PTGS2: variants seen among roughly 807,000 people sequenced by gnomAD.
PTGS2 encodes the protein prostaglandin G/H synthase 2.
Under a neutral mutation model 63.8 loss-of-function variants are expected in PTGS2, and 14 were observed. The observed-to-expected ratio is 0.22, with a 90% CI of 0.14 to 0.34. The LOEUF is 0.34. PTGS2 is among the 10% of genes least tolerant of loss of function. PTGS2 has a pLI of 1.00. For synonymous variants in PTGS2, 271 were observed against 259.5 expected (o/e 1.04, Z -0.43); for missense variants, 533 against 738.5 (o/e 0.72, Z 3.23).
At chr1:186,679,463 A>G (rs1665838555) in intron 1 of PTGS2, 25 bp from the exon 2 acceptor site, 1 of 1,490,356 alleles carries the variant, frequency 6.7e-7, no homozygotes, top group Admixed American at 1.7e-5. Context: ...CAGCAAATAA[A>G]TCATTCTCTA....
intron 8 of PTGS2, 94 bp downstream of exon 8, chr1:186,675,804 C>G: frequency 8.0e-7 from 1 of 1,248,996 alleles, no homozygotes. Context: ...TAACTAACTA[C>G]TCTTTTAGTA....
intron 1 of PTGS2, among the ~76,000 whole-genome samples, chr1:186,679,731 C>T (rs1665843004): frequency 1.3e-5 from 2 of 152,086 alleles, no homozygotes; most frequent in Non-Finnish European, 2.9e-5. Flanking sequence ...AAATAAGTAG[C>T]ACTTCACTTT....
chr1:186,680,276 G>A lies in PTGS2; in HGVS notation c.15C>T (p.Ala5=). The A allele has an allele frequency of 6.5e-7, 1 of 1,544,814 alleles. No individual in the cohort carries two copies. The highest frequency in any genetic ancestry group is 8.7e-7 in the Non-Finnish European group (1 of 1,144,002). Residue 5 remains alanine (A), a synonymous_variant, in exon 1 of 10, where the codon GCC becomes GCT. Coordinates refer to ENST00000367468, the MANE Select transcript of PTGS2 (RefSeq NM_000963.4). ...GCGCCAGGACCGCGCACAGCAGCAG[G>A]GCGCGGGCGAGCATCGCAGCGGCGG... The part of the protein sequence containing the change: MLAR[A]LLLCAVLALS...
In PTGS2 at chr1:186,678,953, C is replaced by A. The variant is rs371649727; in HGVS notation, c.313+105G>T. On this transcript the variant is annotated intron_variant, in intron 3 of 9. Coordinates refer to ENST00000367468, the MANE Select transcript of PTGS2 (RefSeq NM_000963.4). The stretch of plus-strand genomic sequence containing the variant: ...GCAAACTTAAAAGCTATCTTAAAGT[C>A]TTTTTGATAAGCTTGGAAATATGTT... 1.2e-5 allele frequency: 16 copies of A among 1,374,292 alleles called. No individual in the cohort carries two copies. The South Asian group carries it at 1.6e-4, about 14-fold the overall frequency. The allele number at this position is 1,374,292 out of a possible 1,614,324, so 85.1% of individuals were successfully genotyped here.
intron 7 of PTGS2, 71 bp from the exon 8 acceptor site, chr1:186,676,255 A>T (rs1050571926): frequency 8.4e-5 from 122 of 1,447,492 alleles, no homozygotes; most frequent in Non-Finnish European, 9.5e-5. Context: ...ACTGGAATGC[A>T]ATTTTTAAAA....
rs1665818661 is a variant in PTGS2, at chr1:186,678,380, G to A, written c.338C>T (p.Pro113Leu). 2.5e-6 allele frequency: 4 copies of A among 1,606,648 alleles called. No individual in the cohort carries two copies. The highest frequency in any genetic ancestry group is 3.4e-6 in the Non-Finnish European group (4 of 1,176,426). Residue 113 changes from proline to leucine, a missense_variant, in exon 4 of 10, where the codon CCA becomes CTA. This residue lies in a region of PTGS2 where 118 missense variants were observed against 144.6 expected (regional missense o/e 0.82). Coordinates refer to ENST00000367468, the MANE Select transcript of PTGS2 (RefSeq NM_000963.4). ...LTSRSHLIDSPPTYNADYGYK... is the reference protein window; with the variant it reads ...LTSRSHLIDSLPTYNADYGYK... ...GCCATAGTCAGCATTGTAAGTTGGT[G>A]GACTGTCAATCAAATGTGATCTGGC...
intron 9 of PTGS2, among the ~76,000 whole-genome samples, 191 bp downstream of exon 9, chr1:186,675,058 T>A (rs2102004965): frequency 6.6e-6 from 1 of 152,284 alleles, no homozygotes. Flanking sequence ...GAGCCTGTAG[T>A]CCCAGCTACT....
At chr1:186,680,122 G>T in intron 1 of PTGS2, 117 bp downstream of exon 1, 1 of 1,449,170 alleles carries the variant, frequency 6.9e-7, no homozygotes, top group Non-Finnish European at 9.4e-7. Context: ...CCCAAGTCAC[G>T]TAGCTTCTCT....
chr1:186,675,154 G>A lies in PTGS2; in HGVS notation c.1405+95C>T, dbSNP rs1665758065. On this transcript the variant is annotated intron_variant, in intron 9 of 9. Coordinates refer to ENST00000367468, the MANE Select transcript of PTGS2 (RefSeq NM_000963.4). ...ATGGCGCCACTGCACTCCAGCCTGG[G>A]TGACAGAGGGCGGCTCCATCTCGAA... The A allele has an allele frequency of 2.5e-5, 38 of 1,503,846 alleles. No individual in the cohort carries two copies. In the South Asian group the frequency reaches 4.4e-4, roughly 18 times the overall value. The allele number at this position is 1,503,846 out of a possible 1,614,324, so 93.2% of individuals were successfully genotyped here.
rs997696437 is a variant in PTGS2, at chr1:186,677,510, G to C, written c.639+139C>G. The C allele has an allele frequency of 4.5e-6, 4 of 896,538 alleles. No individual in the cohort carries two copies. In the East Asian group the frequency reaches 1.1e-4, roughly 25 times the overall value. The allele number at this position is 896,538 out of a possible 1,614,324, so 55.5% of individuals were successfully genotyped here. ...GAAGTAAATGGAAAATTCCTTTAAG[G>C]TTTTTATAGATAAGACTTCTTTTTA... On this transcript the variant is annotated intron_variant, in intron 5 of 9. Transcript: ENST00000367468.
intron 9 of PTGS2, 83 bp from the exon 10 acceptor site, chr1:186,674,845 C>T: frequency 7.0e-7 from 1 of 1,430,618 alleles, no homozygotes; most frequent in Non-Finnish European, 9.4e-7. Flanking sequence ...GCTCAATTTG[C>T]TGCCAACTTC....
At position 186,676,695 on chromosome 1, in the gene PTGS2, A is replaced by G. The variant is rs745639034; in HGVS notation, c.742T>C (p.Tyr248His). Residue 248 changes from tyrosine (Y) to histidine (H), a missense_variant, in exon 7 of 10, where the codon TAT becomes CAT. This residue lies in a region of PTGS2 where 118 missense variants were observed against 138.7 expected (regional missense o/e 0.85). Transcript: ENST00000367468. ...TGAGTATCTTTGACTGTGGGAGGAT[A>G]CATCTCTCCATCAATTATCTAAAAA... ...MKYQIIDGEM[Y>H]PPTVKDTQAE... 1.2e-5 allele frequency: 19 copies of G among 1,611,630 alleles called. No individual in the cohort carries two copies. The highest frequency in any genetic ancestry group is 2.5e-6 in the Non-Finnish European group (3 of 1,178,756).
chr1:186,680,270 C>T lies in PTGS2; in HGVS notation c.21G>A (p.Leu7=). 1 of 1,545,522 alleles carries T rather than the reference C, an allele frequency of 6.5e-7. No individual in the cohort carries two copies. Among genetic ancestry groups the T allele is most frequent in the Non-Finnish European group, 8.7e-7 (1 of 1,144,408 alleles). Residue 7 remains leucine, a synonymous_variant, in exon 1 of 10, where the codon CTG becomes CTA. Transcript: ENST00000367468. MLARAL[L]LCAVLALSHT... ...GGCTGAGCGCCAGGACCGCGCACAGCAGCAGGGCGCGGGCGAGCATCGCAG... is the reference window on the plus strand; with the variant it reads ...GGCTGAGCGCCAGGACCGCGCACAGTAGCAGGGCGCGGGCGAGCATCGCAG...
At chr1:186,678,113 CT>C in intron 4 of PTGS2, 147 bp downstream of exon 4, 1 of 813,084 alleles carries the variant, frequency 1.2e-6, no homozygotes, top group Non-Finnish European at 1.8e-6. Flanking sequence ...TAGACTCATA[CT>C]TTAAAAAATA....
rs1665713040 is a variant in PTGS2, at chr1:186,672,842, A to G, written c.*1511T>C. 1 of 152,416 alleles carries G rather than the reference A, an allele frequency of 6.6e-6. No homozygotes were observed. The highest frequency in any genetic ancestry group is 6.5e-5 in the Admixed American group (1 of 15,276). The allele number at this position is 152,416 out of a possible 1,614,324, so 9.4% of individuals were successfully genotyped here. On this transcript the variant is annotated 3_prime_UTR_variant, in exon 10 of 10. Transcript: ENST00000367468. ...CAGATAGCTAAAATTAGCTATAAAT[A>G]AAATTCTCTGCTTTTCACTTAAAAT... is the stretch of plus-strand genomic sequence containing the variant.
At chr1:186,679,029 A>T (rs750006790) in intron 3 of PTGS2, 29 bp downstream of exon 3, 6 of 1,598,340 alleles carry the variant, frequency 3.8e-6, no homozygotes, top group Non-Finnish European at 5.1e-6. Flanking sequence ...TGAGAAGGCT[A>T]AAAACCTTAG....
intron 7 of PTGS2, 81 bp downstream of exon 7, chr1:186,676,386 C>T (rs1665781452): frequency 2.6e-6 from 4 of 1,535,458 alleles, no homozygotes; most frequent in Non-Finnish European, 3.5e-6. Context: ...CACATCTTGT[C>T]ATTTACTCAA....
Position 186,674,480 on chromosome 1 carries a change from A to G in PTGS2, c.1688T>C (p.Phe563Ser). 6.2e-7 allele frequency: 1 copy of G among 1,614,190 alleles called. No individual in the cohort carries two copies. Among genetic ancestry groups the G allele is most frequent in the Non-Finnish European group, 8.5e-7 (1 of 1,180,032 alleles). Residue 563 changes from phenylalanine (F) to serine (S), a missense_variant, in exon 10 of 10, where the codon TTT becomes TCT. Physicochemically the swap from Phe to Ser is radical, Grantham distance 155. Around this residue, in one of 5 missense-constraint regions of PTGS2, gnomAD observed 219 missense variants for 267.4 expected, o/e 0.82. Transcript: ENST00000367468. ...LICNNVKGCP[F>S]TSFSVPDPEL... ...TGGATCTGGAACACTGAATGAAGTA[A>G]AGGGACAGCCCTTCACGTTATTGCA...
chr1:186,674,710 A>T lies in PTGS2; in HGVS notation c.1458T>A (p.Ala486=), dbSNP rs888193757. ...CCAGAAGGGCAGGATACAGCTCCACAGCATCGATGTCACCATAGAGTGCTT... is the reference window on the plus strand; with the variant it reads ...CCAGAAGGGCAGGATACAGCTCCACTGCATCGATGTCACCATAGAGTGCTT... ...ELEALYGDID[A]VELYPALLVE... is the part of the protein sequence containing the mutation. The change falls in exon 10 of 10, where the codon GCT becomes GCA. Residue 486 remains alanine, a synonymous_variant. Coordinates refer to ENST00000367468, the MANE Select transcript of PTGS2 (RefSeq NM_000963.4). 4 of 1,614,080 alleles carry T rather than the reference A, an allele frequency of 2.5e-6. No individual in the cohort carries two copies. The African/African-American group carries it at 5.3e-5, about 22-fold the overall frequency.
Sources: allele counts gnomAD v4.1 joint callset (sites outside exome capture counted in the v4.1 genomes callset), GRCh38; gene constraint gnomAD v4.1.1; regional missense constraint gnomAD v4.1.1; transcripts MANE v1.5; gene names NCBI Gene and HGNC (gene_info 2026-07-23, HGNC 2026-07-21).